ATG5: variants seen among roughly 807,000 people sequenced by gnomAD.
ATG5 encodes the protein autophagy related 5, also known as autophagy protein 5.
A neutral mutation model predicts 36.5 loss-of-function variants in ATG5; 14 were observed. The ratio of observed to expected loss-of-function variants is 0.38; its 90% confidence interval spans 0.25 to 0.60. The LOEUF is 0.60. Ranked by LOEUF, ATG5 falls within the 20% of genes least tolerant of loss-of-function variation. ATG5 has a pLI of 0.60. For missense variants in ATG5, 195 were observed against 326.7 expected, an observed-to-expected ratio of 0.60 and a Z score of 3.11; for synonymous variants, 95 against 101.5, an observed-to-expected ratio of 0.94 and a Z score of 0.38.
chr6:106,230,005 C>T (rs1432087673), intron 6 of ATG5, among the ~76,000 whole-genome samples: 3 of 152,190 alleles, frequency 2.0e-5, no homozygotes, highest in Admixed American at 1.3e-4. Context: ...GATTTCCTTA[C>T]AGGGGATTTA....
intron 7 of ATG5, among the ~76,000 whole-genome samples, chr6:106,195,687 T>C (rs1776147691): frequency 6.6e-6 from 1 of 151,882 alleles, no homozygotes; most frequent in Non-Finnish European, 1.5e-5. Flanking sequence ...AGAGAAGCAT[T>C]TGACAGTTTG....
Position 106,267,520 on chromosome 6 carries a change from C to T in ATG5, c.478+12141G>A, listed in dbSNP as rs187516570. Reference sequence around the variant, plus strand: ...ATTTCATATGGAACCAAAAAAGAGCCTGTATAGCCAAGACAATCCTAAGCA... The same window carrying T: ...ATTTCATATGGAACCAAAAAAGAGCTTGTATAGCCAAGACAATCCTAAGCA... On this transcript the variant is annotated intron_variant, in intron 5 of 7. Coordinates refer to ENST00000369076, the MANE Select transcript of ATG5 (RefSeq NM_004849.4). 1.6e-4 allele frequency among the ~76,000 whole-genome samples: 25 copies of T among 152,298 alleles called. 1 individual carries two copies. The highest frequency in any genetic ancestry group is 9.8e-4 in the Admixed American group (15 of 15,306).
At chr6:106,243,765 A>G (rs890046437) in intron 6 of ATG5, among the ~76,000 whole-genome samples, 1 of 152,004 alleles carries the variant, frequency 6.6e-6, no homozygotes, top group Non-Finnish European at 1.5e-5. Context: ...CAAGAGGCGG[A>G]GGTTTCAGTG....
chr6:106,207,082 T>TGAGAA, intron 6 of ATG5, among the ~76,000 whole-genome samples: 1 of 152,200 alleles, frequency 6.6e-6, no homozygotes, highest in South Asian at 2.1e-4. Flanking sequence ...CAAGAAACAG[T>TGAGAA]ATTACTCTCA....
At chr6:106,231,997 C>T (rs1030502570) in intron 6 of ATG5, among the ~76,000 whole-genome samples, 2 of 152,146 alleles carry the variant, frequency 1.3e-5, no homozygotes, top group Non-Finnish European at 2.9e-5. Flanking sequence ...AGAAATAAGC[C>T]GCCCCCTCGT....
chr6:106,251,643 GA>G (rs1228343950), intron 5 of ATG5, among the ~76,000 whole-genome samples: 1 of 87,882 alleles, frequency 1.1e-5, no homozygotes, highest in Non-Finnish European at 2.4e-5. Flanking sequence ...CAGAGAGAGA[GA>G]GAGGGAGGGA....
At chr6:106,242,102 T>C (rs1778151454) in intron 6 of ATG5, among the ~76,000 whole-genome samples, 3 of 151,500 alleles carry the variant, frequency 2.0e-5, no homozygotes, top group African/African-American at 7.3e-5. Flanking sequence ...CTTTAAAAAG[T>C]GGAAATTATA....
At chr6:106,225,397 T>C (rs1164557612) in intron 6 of ATG5, among the ~76,000 whole-genome samples, 1 of 151,156 alleles carries the variant, frequency 6.6e-6, no homozygotes, top group Non-Finnish European at 1.5e-5. Flanking sequence ...CAATCACTGA[T>C]CATCTATTGC....
intron 3 of ATG5, among the ~76,000 whole-genome samples, chr6:106,299,742 C>T (rs1443366365): frequency 1.3e-5 from 2 of 152,162 alleles, no homozygotes; most frequent in African/African-American, 4.8e-5. Context: ...TCAGAAGGGA[C>T]ATGATTCTAG....
chr6:106,240,953 G>A (rs2114492748), intron 6 of ATG5, among the ~76,000 whole-genome samples: 1 of 152,298 alleles, frequency 6.6e-6, no homozygotes, highest in South Asian at 2.1e-4. Flanking sequence ...AGGAGTTCGA[G>A]ACCAGCCTGG....
At chr6:106,235,305 G>A (rs190448157) in intron 6 of ATG5, among the ~76,000 whole-genome samples, 300 of 152,242 alleles carry the variant, frequency 2.0e-3, no homozygotes, top group Non-Finnish European at 2.9e-3. Context: ...AAGATCTACC[G>A]TGGACCCCTG....
intron 6 of ATG5, among the ~76,000 whole-genome samples, chr6:106,234,207 A>G (rs1450908399): frequency 1.3e-5 from 2 of 152,014 alleles, no homozygotes; most frequent in African/African-American, 4.8e-5. Flanking sequence ...AGCCCCTACA[A>G]AGGACTAGAT....
At chr6:106,322,556 C>T (rs1340224058) in intron 1 of ATG5, among the ~76,000 whole-genome samples, 1 of 152,152 alleles carries the variant, frequency 6.6e-6, no homozygotes, top group East Asian at 1.9e-4. Flanking sequence ...TCCTCCTCCT[C>T]TCTCTCAGCT....
chr6:106,197,928 A>G (rs1776265001), intron 7 of ATG5, among the ~76,000 whole-genome samples: 1 of 152,210 alleles, frequency 6.6e-6, no homozygotes, highest in Non-Finnish European at 1.5e-5. Context: ...ATACAGAGAA[A>G]TGAGTAACTG....
intron 4 of ATG5, among the ~76,000 whole-genome samples, chr6:106,288,269 C>CAAA (rs1780164658): frequency 6.6e-6 from 1 of 151,784 alleles, no homozygotes; most frequent in African/African-American, 2.4e-5. Flanking sequence ...TGCCCTGCCG[C>CAAA]ACAATTAATT....
intron 4 of ATG5, among the ~76,000 whole-genome samples, chr6:106,280,327 T>C (rs1779831435): frequency 6.6e-6 from 1 of 151,044 alleles, no homozygotes; most frequent in African/African-American, 2.4e-5. Flanking sequence ...CATATGTCCA[T>C]TTAAGGACTT....
At chr6:106,224,945 T>A (rs1467082099) in intron 6 of ATG5, among the ~76,000 whole-genome samples, 2 of 152,122 alleles carry the variant, frequency 1.3e-5, no homozygotes, top group Non-Finnish European at 2.9e-5. Context: ...AGTGAGCTAT[T>A]CACCAGATAT....
intron 7 of ATG5, among the ~76,000 whole-genome samples, chr6:106,201,271 G>GTA (rs1028965457): frequency 2.0e-5 from 2 of 100,746 alleles, no homozygotes; most frequent in Non-Finnish European, 3.8e-5. Flanking sequence ...GTATTCAAGT[G>GTA]TATATGTGTG....
intron 6 of ATG5, among the ~76,000 whole-genome samples, chr6:106,247,537 C>T (rs916203674): frequency 6.6e-6 from 1 of 152,184 alleles, no homozygotes; most frequent in African/African-American, 2.4e-5. Context: ...AAGGTTACCA[C>T]AAACACTGAA....
Sources: allele counts gnomAD v4.1 joint callset (sites outside exome capture counted in the v4.1 genomes callset), GRCh38; gene constraint gnomAD v4.1.1; transcripts MANE v1.5; gene names NCBI Gene and HGNC (gene_info 2026-07-23, HGNC 2026-07-21).